The following ECI2 variants were observed in gnomAD, a reference collection of about 807,000 sequenced individuals.
ECI2 encodes the protein D3,D2-enoyl-CoA isomerase.
In ECI2, 27 loss-of-function variants were observed where a neutral mutation model predicts 38.4. The observed-to-expected ratio is 0.70, with a 90% CI of 0.52 to 0.97. The LOEUF is 0.97. Among genes scored for constraint, ECI2 ranks in the 50% least tolerant of loss-of-function variants. ECI2 has a pLI of 0.00. For synonymous variants in ECI2, 168 were observed against 172.0 expected, an observed-to-expected ratio of 0.98 and a Z score of 0.18; for missense variants, 470 against 474.4, an observed-to-expected ratio of 0.99 and a Z score of 0.09.
At chr6:4,133,800 A>G in intron 1 of ECI2, 89 bp from the exon 2 acceptor site, 1 of 1,411,542 alleles carries the variant, frequency 7.1e-7, no homozygotes, top group East Asian at 2.5e-5. Context: ...ATACATAACA[A>G]AATGCCATGT....
At chr6:4,131,005 C>G (rs1773481360) in intron 2 of ECI2, 140 bp from the exon 3 acceptor site, 1 of 715,710 alleles carries the variant, frequency 1.4e-6, no homozygotes, top group African/African-American at 1.8e-5. Flanking sequence ...CTGAATTTTC[C>G]CCTCCAGTCT....
intron 7 of ECI2, chr6:4,122,029 C>A: frequency 6.3e-7 from 1 of 1,597,772 alleles, no homozygotes. Context: ...CCAACAACAG[C>A]TAAAGGGACA....
At position 4,133,612 on chromosome 6, in the gene ECI2, C is replaced by A; in HGVS notation, c.150G>T (p.Val50=). The A allele has an allele frequency of 6.2e-7, 1 of 1,613,886 alleles. No individual in the cohort carries two copies. The highest frequency in any genetic ancestry group is 8.5e-7 in the Non-Finnish European group (1 of 1,179,896). ...TTCCTGGATCCTTTTTCAAGAGTTT[C>A]ACTTGATTCATTGAATTTTCAAAGT... ...QKDFENSMNQ[V]KLLKKDPGNE... Residue 50 remains valine (V), a synonymous_variant, in exon 2 of 10, where the codon GTG becomes GTT. Coordinates refer to ENST00000380118, the MANE Select transcript of ECI2 (RefSeq NM_206836.3).
chr6:4,122,013 A>G, intron 7 of ECI2: 1 of 1,607,368 alleles, frequency 6.2e-7, no homozygotes, highest in Non-Finnish European at 8.5e-7. Context: ...GAAACTGAGA[A>G]ACCTGCCAAC....
At chr6:4,123,307 G>A (rs1014906585) in intron 7 of ECI2, among the ~76,000 whole-genome samples, 2 of 151,834 alleles carry the variant, frequency 1.3e-5, no homozygotes, top group Non-Finnish European at 2.9e-5. Flanking sequence ...CTCCAATGTA[G>A]CTGGGATTAC....
intron 1 of ECI2, chr6:4,134,972 T>C (rs547325362): frequency 3.3e-4 from 123 of 373,002 alleles, no homozygotes; most frequent in African/African-American, 2.3e-3. Context: ...TATGCACAGA[T>C]TCGTGCGGGT....
chr6:4,123,032 T>C (rs1772907739), intron 7 of ECI2, among the ~76,000 whole-genome samples: 2 of 152,222 alleles, frequency 1.3e-5, no homozygotes, highest in Non-Finnish European at 2.9e-5. Flanking sequence ...TTAAATGTAC[T>C]GATTAATATT....
At chr6:4,133,445 CA>C in intron 2 of ECI2, 103 bp downstream of exon 2, 1 of 1,407,740 alleles carries the variant, frequency 7.1e-7, no homozygotes, top group South Asian at 1.4e-5. Context: ...GGGAGCAAGA[CA>C]AACCAAAATG....
chr6:4,134,908 A>G (rs974424119), intron 1 of ECI2, among the ~76,000 whole-genome samples: 1 of 152,228 alleles, frequency 6.6e-6, no homozygotes, highest in African/African-American at 2.4e-5. Context: ...AGTCGGGAAA[A>G]TCACTCATAA....
At chr6:4,130,079 A>G (rs13210282) in intron 4 of ECI2, 170,149 of 1,601,440 alleles carry the variant, frequency 0.11, 16,639 homozygotes, top group African/African-American at 0.52. Flanking sequence ...GATGGCTTCT[A>G]TGCAAATTCT....
chr6:4,121,546 C>G (rs17137675), intron 7 of ECI2, among the ~76,000 whole-genome samples: 2,230 of 152,168 alleles, frequency 0.015, 57 homozygotes, highest in African/African-American at 0.051. Context: ...TAAAAAGTAT[C>G]GTGGAGAGAT....
At chr6:4,116,203 T>C (rs1338378240) in intron 9 of ECI2, among the ~76,000 whole-genome samples, 174 bp from the exon 10 acceptor site, 1 of 151,644 alleles carries the variant, frequency 6.6e-6, no homozygotes, top group African/African-American at 2.4e-5. Flanking sequence ...ATACAAAAAT[T>C]AGCTGGTTGT....
At chr6:4,134,887 A>T (rs1773654650) in intron 1 of ECI2, among the ~76,000 whole-genome samples, 1 of 152,244 alleles carries the variant, frequency 6.6e-6, no homozygotes, top group Non-Finnish European at 1.5e-5. Flanking sequence ...ACCATTTAAG[A>T]AAATACATAA....
chr6:4,135,529 G>C lies in ECI2; in HGVS notation c.32C>G (p.Ala11Gly), dbSNP rs747764828. 2 of 1,560,422 alleles carry C rather than the reference G, an allele frequency of 1.3e-6. No individual in the cohort carries two copies. The highest frequency in any genetic ancestry group is 1.4e-5 in the African/African-American group (1 of 72,406). ...AGCTTACCTCGGACACGAACGCCGCGCCAGTCTCCAAGCCAAGTACGCCAT... is the reference window on the plus strand; with the variant it reads ...AGCTTACCTCGGACACGAACGCCGCCCCAGTCTCCAAGCCAAGTACGCCAT... MAMAYLAWRLARRSCPSSLQV... is the reference protein window; with the variant it reads MAMAYLAWRLGRRSCPSSLQV... The change falls in exon 1 of 10, where the codon GCG becomes GGG. Residue 11 changes from alanine (A) to glycine (G), a missense_variant. Physicochemically the swap from Ala to Gly is moderately conservative, Grantham distance 60. Transcript: ENST00000380118.
At chr6:4,125,949 G>C (rs1417242120) in intron 6 of ECI2, 186 bp downstream of exon 6, 1 of 684,286 alleles carries the variant, frequency 1.5e-6, no homozygotes. Context: ...ACAGGTAACA[G>C]AGGTCAAAGA....
Position 4,133,698 on chromosome 6 carries a change from T to C in ECI2, c.64A>G (p.Thr22Ala). The C allele has an allele frequency of 1.9e-6, 3 of 1,609,856 alleles. No homozygotes were observed. The highest frequency in any genetic ancestry group is 2.2e-5 in the East Asian group (1 of 44,854). Residue 22 changes from threonine to alanine, a missense_variant, in exon 2 of 10, where the codon ACT becomes GCT. Thr to Ala is a moderately conservative substitution (Grantham distance 58, BLOSUM62 0). Transcript: ENST00000380118. ...TGCAGCTGAACTACCGGGAAACTAG[T>C]GACCTGCAGAGAACTACAATTAGGC... ...RRSCPSSLQV[T>A]SFPVVQLHMN...
chr6:4,125,274 GAA>G lies in ECI2; in HGVS notation c.769_770del (p.Phe257ArgfsTer7), dbSNP rs1773070535. 1 of 1,613,984 alleles carries G rather than the reference GAA, an allele frequency of 6.2e-7. No individual in the cohort carries two copies. Among genetic ancestry groups the G allele is most frequent in the Non-Finnish European group, 8.5e-7 (1 of 1,180,044 alleles). ...CCCTGTCAGATGCATACACGGCATC[GAA>G]TAGCCCAAGGAGGGTGACGGAGATG... ...VGISVTLLGL[F>X]DAVYASDRAT... On this transcript the variant is annotated frameshift_variant, in exon 7 of 10. Transcript: ENST00000380118. LOFTEE classifies it high-confidence loss of function.
intron 1 of ECI2, chr6:4,135,183 C>T: frequency 1.5e-6 from 1 of 645,490 alleles, no homozygotes; most frequent in Non-Finnish European, 2.7e-6. Flanking sequence ...CCCGGGTGCT[C>T]AGCTGGGGCG....
intron 4 of ECI2, chr6:4,130,147 T>C: frequency 1.2e-6 from 2 of 1,613,850 alleles, no homozygotes; most frequent in South Asian, 1.1e-5. Context: ...ATTAGGAAAA[T>C]CACAGTGCCT....
Sources: gnomAD v4.1 joint callset for allele counts (sites outside exome capture counted in the v4.1 genomes callset) on GRCh38, gnomAD v4.1.1 for gene constraint, MANE v1.5 for transcripts, NCBI Gene and HGNC (gene_info 2026-07-23, HGNC 2026-07-21) for gene names.